RPTOR: variants seen among roughly 807,000 people sequenced by gnomAD.
RPTOR encodes regulatory-associated protein of mTOR.
RPTOR carries 21 observed loss-of-function variants against 169.9 expected under a neutral mutation model. That is an observed-to-expected ratio of 0.12 (90% confidence interval 0.09 to 0.18). The LOEUF is 0.18. Ranked by LOEUF, RPTOR falls within the 10% of genes least tolerant of loss-of-function variation. The pLI is 1.00. For synonymous variants in RPTOR, 732 were observed against 753.2 expected, an observed-to-expected ratio of 0.97 and a Z score of 0.46; for missense variants, 1,133 against 1,855.9, an observed-to-expected ratio of 0.61 and a Z score of 7.16.
At chr17:80,944,259 C>T (rs1458595314) in intron 25 of RPTOR, among the ~76,000 whole-genome samples, 1 of 152,216 alleles carries the variant, frequency 6.6e-6, no homozygotes, top group South Asian at 2.1e-4. Context: ...GACTGAAAGA[C>T]CCCCGGACTT....
At chr17:80,841,373 ACACT>A (rs1335088161) in intron 10 of RPTOR, among the ~76,000 whole-genome samples, 1 of 118,290 alleles carries the variant, frequency 8.5e-6, no homozygotes, top group Non-Finnish European at 1.7e-5. Context: ...ACCGCAGCTC[ACACT>A]CACCGCACGG....
rs996765266 is a variant in RPTOR, at chr17:80,862,325, C to T, written c.1509+4425C>T. ...AGAAACTGAGCCTCGTCTACCTCAC[C>T]TGCCTCGCCCTTCCTTCCATCGTTA... is the stretch of plus-strand genomic sequence containing the variant. On this transcript the variant is annotated intron_variant, in intron 13 of 33. Coordinates refer to ENST00000306801, the MANE Select transcript of RPTOR (RefSeq NM_020761.3). 4.6e-5 allele frequency among the ~76,000 whole-genome samples: 7 copies of T among 152,232 alleles called. No homozygotes were observed. In the South Asian group the frequency reaches 1.5e-3, roughly 32 times the overall value.
intron 13 of RPTOR, among the ~76,000 whole-genome samples, chr17:80,866,914 A>G (rs759481598): frequency 6.6e-6 from 1 of 152,216 alleles, no homozygotes; most frequent in Non-Finnish European, 1.5e-5. Context: ...CTTTTACTAC[A>G]AAGAAAACTG....
intron 17 of RPTOR, among the ~76,000 whole-genome samples, chr17:80,891,020 GA>G (rs1008426847): frequency 1.3e-5 from 2 of 152,012 alleles, no homozygotes; most frequent in African/African-American, 4.8e-5. Flanking sequence ...TTGTCGTAGG[GA>G]AAAAAACGTT....
At chr17:80,877,100 A>T (rs11659058) in intron 13 of RPTOR, among the ~76,000 whole-genome samples, 33,028 of 142,042 alleles carry the variant, frequency 0.23, 3,970 homozygotes, top group East Asian at 0.4. Context: ...CCACGCAGGG[A>T]GTGTGTGTTG....
At chr17:80,833,541 T>C (rs1022451443) in intron 9 of RPTOR, among the ~76,000 whole-genome samples, 3 of 152,218 alleles carry the variant, frequency 2.0e-5, no homozygotes, top group African/African-American at 7.2e-5. Context: ...CCATGGCCTC[T>C]CGTGTGTACG....
intron 1 of RPTOR, among the ~76,000 whole-genome samples, chr17:80,610,251 G>A (rs1453068981): frequency 6.6e-6 from 1 of 151,960 alleles, no homozygotes; most frequent in Non-Finnish European, 1.5e-5. Flanking sequence ...CCAGCAAAAT[G>A]TGAAACCTTT....
chr17:80,925,412 A>G lies in RPTOR; in HGVS notation c.2851A>G (p.Ile951Val), dbSNP rs2068800010. The stretch of plus-strand genomic sequence containing the variant: ...CGATGCTGCTGGACACAAAAGTTTC[A>G]TCTCCGCCACGGTGCAGACGGGGTT... ...ADDAAGHKSF[I>V]SATVQTGFCD... is the part of the protein sequence containing the mutation. The change falls in exon 24 of 34, where the codon ATC becomes GTC. Residue 951 changes from isoleucine (I) to valine (V), a missense_variant. Physicochemically the swap from Ile to Val is conservative, Grantham distance 29 (BLOSUM62 3). Around this residue, in one of 9 missense-constraint regions of RPTOR, gnomAD observed 410 missense variants for 623.7 expected, o/e 0.66. Coordinates refer to ENST00000306801, the MANE Select transcript of RPTOR (RefSeq NM_020761.3). The G allele has an allele frequency of 1.2e-6, 2 of 1,613,568 alleles. No homozygotes were observed. The highest frequency in any genetic ancestry group is 1.7e-5 in the Admixed American group (1 of 60,002).
Position 80,861,500 on chromosome 17 carries a change from G to T in RPTOR, c.1509+3600G>T, listed in dbSNP as rs1003453070. ...CACATTATGTAAACAAAGGGTGTTT[G>T]GCAGGAAGTCATTTTGAAACGTGGT... is the stretch of plus-strand genomic sequence containing the variant. On this transcript the variant is annotated intron_variant, in intron 13 of 33. Transcript: ENST00000306801. The surrounding 1 kb of genome is among the most constrained non-coding windows in gnomAD (Gnocchi z 4.5). Among the ~76,000 whole-genome samples, 11 of 150,592 alleles carry T rather than the reference G, an allele frequency of 7.3e-5. 3 individuals carry two copies. The highest frequency in any genetic ancestry group is 1.3e-4 in the Non-Finnish European group (9 of 67,360).
intron 17 of RPTOR, among the ~76,000 whole-genome samples, chr17:80,888,301 G>T (rs763575658): frequency 6.6e-6 from 1 of 152,162 alleles, no homozygotes; most frequent in Non-Finnish European, 1.5e-5. Context: ...TTTTTGTAGA[G>T]ATGGGGTCTC....
intron 1 of RPTOR, among the ~76,000 whole-genome samples, chr17:80,555,091 T>C (rs142703227): frequency 5.1e-4 from 78 of 152,184 alleles, no homozygotes; most frequent in African/African-American, 1.9e-3. Flanking sequence ...TGCTGCCAGA[T>C]GTTTGAGAGT....
intron 5 of RPTOR, among the ~76,000 whole-genome samples, chr17:80,744,100 CTAGCACAGCCCTGGT>C (rs2143278830): frequency 8.9e-6 from 1 of 112,968 alleles, no homozygotes; most frequent in African/African-American, 3.4e-5. Flanking sequence ...GCCCTGGTTA[CTAGCACAGCCCTGGT>C]TACTAGCACA....
intron 9 of RPTOR, among the ~76,000 whole-genome samples, chr17:80,831,818 C>CGTGT (rs1567936908): frequency 2.0e-4 from 13 of 63,660 alleles, no homozygotes; most frequent in African/African-American, 8.9e-4. Flanking sequence ...TGTGTGTCAC[C>CGTGT]ATGTATCCCT....
At chr17:80,900,500 G>A (rs140018220) in intron 20 of RPTOR, among the ~76,000 whole-genome samples, 233 of 152,328 alleles carry the variant, frequency 1.5e-3, no homozygotes, top group African/African-American at 5.5e-3. Context: ...ACTTTTAGTA[G>A]AGACAAAGTT....
chr17:80,838,050 G>A (rs2067584500), intron 10 of RPTOR, 53 bp downstream of exon 10: 1 of 1,496,056 alleles, frequency 6.7e-7, no homozygotes. Flanking sequence ...CACTTCTCTG[G>A]GCACCTGGAC....
chr17:80,615,230 G>A (rs987298417), intron 1 of RPTOR, among the ~76,000 whole-genome samples: 11 of 152,174 alleles, frequency 7.2e-5, no homozygotes, highest in Non-Finnish European at 1.5e-4. Context: ...CAGTGGAGGA[G>A]TCCTAGAAGA....
chr17:80,664,998 G>C (rs2065752752), intron 3 of RPTOR, among the ~76,000 whole-genome samples: 1 of 152,018 alleles, frequency 6.6e-6, no homozygotes, highest in African/African-American at 2.4e-5. Context: ...TCTGTCCTCT[G>C]TATTCTCCCC....
At chr17:80,713,394 A>C (rs1271694839) in intron 4 of RPTOR, among the ~76,000 whole-genome samples, 2 of 152,108 alleles carry the variant, frequency 1.3e-5, no homozygotes, top group African/African-American at 4.8e-5. Flanking sequence ...ATGTCCACCC[A>C]GTTTGTGGCT....
At chr17:80,854,623 A>G (rs550009270) in intron 11 of RPTOR, among the ~76,000 whole-genome samples, 1 of 152,336 alleles carries the variant, frequency 6.6e-6, no homozygotes, top group South Asian at 2.1e-4. Flanking sequence ...GCCAGGCATG[A>G]TGGCCCACGC....
Sources: gnomAD v4.1 joint callset for allele counts (sites outside exome capture counted in the v4.1 genomes callset) on GRCh38, gnomAD v4.1.1 for gene constraint, gnomAD v4.1.1 regional missense constraint, Gnocchi (gnomAD v3.1) non-coding constraint, MANE v1.5 for transcripts, NCBI Gene and HGNC (gene_info 2026-07-23, HGNC 2026-07-21) for gene names.